The following NEGR1 variants were observed in gnomAD, a reference collection of about 807,000 sequenced individuals.
NEGR1 encodes the protein neuronal growth regulator 1, also known as IgLON family member 4.
Under a neutral mutation model 40.9 loss-of-function variants are expected in NEGR1, and 10 were observed. The ratio of observed to expected loss-of-function variants is 0.24; its 90% CI spans 0.15 to 0.42. The LOEUF is 0.42. Ranked by LOEUF, NEGR1 falls within the 10% of genes least tolerant of loss-of-function variation. The pLI is 1.00. For missense variants in NEGR1, 352 were observed against 438.9 expected, an observed-to-expected ratio of 0.80 and a Z score of 1.77; for synonymous variants, 185 against 166.8, an observed-to-expected ratio of 1.11 and a Z score of -0.84.
At chr1:71,718,307 C>T (rs1392070320) in intron 3 of NEGR1, among the ~76,000 whole-genome samples, 2 of 152,050 alleles carry the variant, frequency 1.3e-5, no homozygotes, top group Admixed American at 6.6e-5. Flanking sequence ...AATGTCTGCA[C>T]CTCTCCCTGC....
chr1:71,637,651 A>G (rs1191696161), intron 4 of NEGR1, among the ~76,000 whole-genome samples: 1 of 151,998 alleles, frequency 6.6e-6, no homozygotes, highest in African/African-American at 2.4e-5. Context: ...TGATGTCACC[A>G]TGGTTAATCA....
intron 4 of NEGR1, among the ~76,000 whole-genome samples, chr1:71,697,089 C>G (rs909386960): frequency 2.0e-5 from 3 of 151,868 alleles, no homozygotes; most frequent in Non-Finnish European, 3.0e-5. Flanking sequence ...TAATATGAAA[C>G]AACTGCTGAT....
chr1:71,744,502 G>T (rs974718999), intron 3 of NEGR1, among the ~76,000 whole-genome samples: 1 of 151,772 alleles, frequency 6.6e-6, no homozygotes, highest in Non-Finnish European at 1.5e-5. Flanking sequence ...GACTTTCATG[G>T]AGCCAATAAA....
chr1:71,997,886 C>T (rs1646518671), intron 1 of NEGR1, among the ~76,000 whole-genome samples: 1 of 151,840 alleles, frequency 6.6e-6, no homozygotes, highest in Admixed American at 6.6e-5. Context: ...CATAAATTTC[C>T]AAAATGTACA....
chr1:72,240,513 A>C (rs1654697118), intron 1 of NEGR1, among the ~76,000 whole-genome samples: 1 of 151,790 alleles, frequency 6.6e-6, no homozygotes, highest in African/African-American at 2.4e-5. Context: ...CATTTCTTCA[A>C]AGAATTGTAA....
At chr1:71,862,215 C>T (rs571616523) in intron 2 of NEGR1, among the ~76,000 whole-genome samples, 15 of 151,968 alleles carry the variant, frequency 9.9e-5, no homozygotes, top group South Asian at 4.2e-4. Flanking sequence ...TATTAGAAGA[C>T]GAAATTTGAA....
chr1:71,960,482 A>C (rs1196652356), intron 1 of NEGR1, among the ~76,000 whole-genome samples: 1 of 152,216 alleles, frequency 6.6e-6, no homozygotes, highest in East Asian at 1.9e-4. Flanking sequence ...AACTGCATAT[A>C]ATTTTACAAA....
chr1:71,914,405 A>G (rs1379006572), intron 2 of NEGR1, among the ~76,000 whole-genome samples: 2 of 152,214 alleles, frequency 1.3e-5, no homozygotes, highest in Admixed American at 1.3e-4. Context: ...AATGAGGTAC[A>G]AAGTTGTGCT....
At chr1:71,609,098 G>T (rs1191945100) in intron 5 of NEGR1, among the ~76,000 whole-genome samples, 1 of 151,902 alleles carries the variant, frequency 6.6e-6, no homozygotes, top group East Asian at 1.9e-4. Flanking sequence ...CTATAAAAAG[G>T]CAAATTCAGA....
chr1:71,994,597 T>C (rs1462032891), intron 1 of NEGR1, among the ~76,000 whole-genome samples: 1 of 151,600 alleles, frequency 6.6e-6, no homozygotes, highest in Non-Finnish European at 1.5e-5. Flanking sequence ...ATATCTTATA[T>C]ATTAAAAACC....
intron 6 of NEGR1, among the ~76,000 whole-genome samples, chr1:71,575,445 A>T (rs1570052597): frequency 6.6e-6 from 1 of 152,192 alleles, no homozygotes; most frequent in East Asian, 1.9e-4. Context: ...AGAGGATAGT[A>T]AGTGAGGCAT....
chr1:71,969,216 T>C (rs892141448), intron 1 of NEGR1, among the ~76,000 whole-genome samples: 1 of 152,170 alleles, frequency 6.6e-6, no homozygotes, highest in Non-Finnish European at 1.5e-5. Context: ...GGTTTCACCA[T>C]GTTGGCCAGG....
chr1:71,935,576 AAGTT>A (rs543102357), intron 1 of NEGR1, among the ~76,000 whole-genome samples: 104 of 151,604 alleles, frequency 6.9e-4, no homozygotes, highest in East Asian at 4.5e-3. Flanking sequence ...TTTCAACTGA[AAGTT>A]AGTCAAAAGC....
intron 1 of NEGR1, among the ~76,000 whole-genome samples, chr1:72,277,170 C>G (rs996269270): frequency 6.6e-6 from 1 of 152,144 alleles, no homozygotes; most frequent in Admixed American, 6.6e-5. Flanking sequence ...CCTGAAGATA[C>G]TTGGCAAGGA....
chr1:72,101,718 C>T (rs1339701857), intron 1 of NEGR1, among the ~76,000 whole-genome samples: 1 of 151,828 alleles, frequency 6.6e-6, no homozygotes, highest in Non-Finnish European at 1.5e-5. Flanking sequence ...GTTTCAGAAA[C>T]AGCAAATGCT....
intron 3 of NEGR1, among the ~76,000 whole-genome samples, chr1:71,760,693 T>A (rs1655910544): frequency 6.6e-6 from 1 of 152,198 alleles, no homozygotes; most frequent in African/African-American, 2.4e-5. Flanking sequence ...CCGGTTTTAC[T>A]GAATTTTTTT....
intron 4 of NEGR1, among the ~76,000 whole-genome samples, chr1:71,689,420 G>T (rs1176143885): frequency 6.6e-6 from 1 of 152,096 alleles, no homozygotes; most frequent in African/African-American, 2.4e-5. Context: ...TAAGTCTTTT[G>T]CCCAAAGTTG....
intron 1 of NEGR1, among the ~76,000 whole-genome samples, chr1:71,975,195 A>G (rs2186096): frequency 0.28 from 42,292 of 152,040 alleles, 6,320 homozygotes; most frequent in African/African-American, 0.39. Flanking sequence ...AGTCCACATA[A>G]TTTTAGAAAA....
intron 6 of NEGR1, among the ~76,000 whole-genome samples, chr1:71,429,031 G>A (rs369690863): frequency 3.1e-4 from 47 of 152,228 alleles, no homozygotes; most frequent in African/African-American, 1.1e-3. Context: ...AAACAAGCCA[G>A]TATGAAGTTA....
Sources: allele counts gnomAD v4.1 joint callset (sites outside exome capture counted in the v4.1 genomes callset), GRCh38; gene constraint gnomAD v4.1.1; transcripts MANE v1.5; gene names NCBI Gene and HGNC (gene_info 2026-07-23, HGNC 2026-07-21).